Variants in BPNT1 observed in about 807,000 individuals in gnomAD.
BPNT1 encodes 3'(2'),5'-bisphosphate nucleotidase 1.
A neutral mutation model predicts 36.9 loss-of-function variants in BPNT1; 28 were observed. The ratio of observed to expected loss-of-function variants is 0.76; its 90% CI spans 0.56 to 1.04. BPNT1 has a LOEUF of 1.04. BPNT1 is among the 50% of genes least tolerant of loss of function. The pLI is 0.00. For synonymous variants in BPNT1, 119 were observed against 130.9 expected, an observed-to-expected ratio of 0.91 and a Z score of 0.62; for missense variants, 313 against 372.9, an observed-to-expected ratio of 0.84 and a Z score of 1.32.
At chr1:220,083,034 C>T (rs1057501234) in intron 1 of BPNT1, among the ~76,000 whole-genome samples, 4 of 151,648 alleles carry the variant, frequency 2.6e-5, no homozygotes, top group Non-Finnish European at 5.9e-5. Context: ...GTCAGGAGTT[C>T]GAGACCAGCC....
At chr1:220,085,978 T>C (rs1454009749) in intron 1 of BPNT1, among the ~76,000 whole-genome samples, 1 of 152,236 alleles carries the variant, frequency 6.6e-6, no homozygotes, top group African/African-American at 2.4e-5. Context: ...TAAAATTATT[T>C]ATATTTTGGA....
intron 8 of BPNT1, among the ~76,000 whole-genome samples, chr1:220,059,207 T>C (rs1662781288): frequency 6.6e-6 from 1 of 151,600 alleles, no homozygotes; most frequent in Non-Finnish European, 1.5e-5. Flanking sequence ...TTATTTTTTC[T>C]CTGATTAATA....
At chr1:220,059,216 T>A (rs2247212) in intron 8 of BPNT1, among the ~76,000 whole-genome samples, 121,838 of 145,572 alleles carry the variant, frequency 0.84, 51,290 homozygotes, top group Non-Finnish European at 0.88. Flanking sequence ...CTCTGATTAA[T>A]ATTAATTTTA....
Position 220,058,969 on chromosome 1 carries a change from T to C in BPNT1, c.802A>G (p.Asn268Asp), listed in dbSNP as rs1380860648. The C allele has an allele frequency of 6.2e-7, 1 of 1,613,734 alleles. No individual in the cohort carries two copies. Among genetic ancestry groups the C allele is most frequent in the East Asian group, 2.2e-5 (1 of 44,874 alleles). ...ACATCCTTGTGGTACTGAAGAACAT[T>C]CCCATGGATATCGGTTAACTTGCCT... ...VGGKLTDIHG[N>D]VLQYHKDVKH... The change falls in exon 9 of 9, where the codon AAT becomes GAT. Residue 268 changes from asparagine (N) to aspartate (D), a missense_variant. Coordinates refer to ENST00000322067, the MANE Select transcript of BPNT1 (RefSeq NM_006085.6).
rs774470035 is a variant in BPNT1 at position 220,062,867 on chromosome 1, CA to C, written c.561del (p.Lys189AsnfsTer22). 8.7e-6 allele frequency: 14 copies of C among 1,613,996 alleles called. No individual in the cohort carries two copies. In the South Asian group the frequency reaches 1.4e-4, roughly 16 times the overall value. ...CGAGTAGTTGTGATAATGTGTTTCCCAGCAGGGACTTCTTTCAGCTGAAACC... is the reference window on the plus strand; with the variant it reads ...CGAGTAGTTGTGATAATGTGTTTCCCGCAGGGACTTCTTTCAGCTGAAACC... ...AFGFQLKEVPAGKHIITTTRS... is the reference protein window; with the variant it reads ...AFGFQLKEVPXGKHIITTTRS... On this transcript the variant is annotated frameshift_variant, in exon 7 of 9. Coordinates refer to ENST00000322067, the MANE Select transcript of BPNT1 (RefSeq NM_006085.6). LOFTEE classifies it high-confidence loss of function.
intron 3 of BPNT1, among the ~76,000 whole-genome samples, chr1:220,073,419 G>A (rs1165106553): frequency 2.0e-5 from 3 of 151,998 alleles, no homozygotes; most frequent in African/African-American, 7.3e-5. Context: ...CTCCTGAGTA[G>A]CTGGGATTAC....
intron 6 of BPNT1, among the ~76,000 whole-genome samples, chr1:220,063,784 G>T (rs1553257740): frequency 6.6e-6 from 1 of 152,144 alleles, no homozygotes; most frequent in Non-Finnish European, 1.5e-5. Flanking sequence ...TCAGAGTTAA[G>T]ATTTTGCTGA....
At chr1:220,073,918 T>C (rs1229497625) in intron 3 of BPNT1, 49 bp downstream of exon 3, 2 of 1,480,574 alleles carry the variant, frequency 1.4e-6, no homozygotes, top group Non-Finnish European at 1.9e-6. Context: ...CAGTTATAAA[T>C]CCATTTGGTA....
At chr1:220,068,127 T>A (rs1042464641) in intron 5 of BPNT1, among the ~76,000 whole-genome samples, 1 of 152,176 alleles carries the variant, frequency 6.6e-6, no homozygotes, top group African/African-American at 2.4e-5. Context: ...TGAGAGCCAA[T>A]ACAAGAAAAT....
rs1391468684 is a variant in BPNT1, at chr1:220,062,902, C to T, written c.527G>A (p.Gly176Asp). 1.2e-6 allele frequency: 2 copies of T among 1,613,996 alleles called. No homozygotes were observed. The highest frequency in any genetic ancestry group is 1.7e-6 in the Non-Finnish European group (2 of 1,180,022). ...GRTIWGVLGL[G>D]AFGFQLKEVP... Reference sequence around the variant, plus strand: ...TTCTTTCAGCTGAAACCCAAAGGCGCCTAAACCTAAAACTCCCCAGATTGT... The same window carrying T: ...TTCTTTCAGCTGAAACCCAAAGGCGTCTAAACCTAAAACTCCCCAGATTGT... Residue 176 changes from glycine to aspartate, a missense_variant, in exon 7 of 9, where the codon GGC (glycine) becomes GAC (aspartate). Gly to Asp is a moderately conservative substitution (Grantham distance 94, BLOSUM62 -1). Coordinates refer to ENST00000322067, the MANE Select transcript of BPNT1 (RefSeq NM_006085.6).
At chr1:220,069,334 C>T (rs1010688046) in intron 5 of BPNT1, 50 bp downstream of exon 5, 16 of 1,372,962 alleles carry the variant, frequency 1.2e-5, no homozygotes, top group Non-Finnish European at 1.4e-5. Context: ...CAACTAACAT[C>T]ATATCCTTGT....
intron 1 of BPNT1, among the ~76,000 whole-genome samples, chr1:220,083,619 G>A (rs529108558): frequency 2.6e-5 from 4 of 152,146 alleles, no homozygotes; most frequent in Non-Finnish European, 5.9e-5. Context: ...CCAATAAAAC[G>A]GGTTTCTAAG....
Position 220,086,085 on chromosome 1 carries a change from C to A in BPNT1, c.-9+3601G>T, listed in dbSNP as rs74985974. Reference sequence around the variant, plus strand: ...AAAAAGAACTATGAACAGAGGTACTCCCCTTATCAATTATCAAAATATGAT... The same window carrying A: ...AAAAAGAACTATGAACAGAGGTACTACCCTTATCAATTATCAAAATATGAT... On this transcript the variant is annotated intron_variant, in intron 1 of 8. Coordinates refer to ENST00000322067, the MANE Select transcript of BPNT1 (RefSeq NM_006085.6). Among the ~76,000 whole-genome samples the A allele has an allele frequency of 8.6e-3, 1,316 of 152,188 alleles. 20 individuals are homozygous for A. Among genetic ancestry groups the A allele is most frequent in the African/African-American group, 0.031 (1,271 of 41,508 alleles).
rs1663174546 is a variant in BPNT1 at position 220,062,813 on chromosome 1, A to G, written c.616T>C (p.Cys206Arg). Residue 206 changes from cysteine to arginine, a missense_variant, in exon 7 of 9, where the codon TGT becomes CGT. By Grantham distance (180) the Cys-to-Arg change is radical (BLOSUM62 -3). Transcript: ENST00000322067. ...RSHSNKLVTD[C>R]VAAMNPDAVL... ...GCATCGGGGTTCATAGCAGCAACACAGTCAGTAACCAACTTGTTGCTATGG... is the reference window on the plus strand; with the variant it reads ...GCATCGGGGTTCATAGCAGCAACACGGTCAGTAACCAACTTGTTGCTATGG... 1 of 1,614,068 alleles carries G rather than the reference A, an allele frequency of 6.2e-7. No individual in the cohort carries two copies. The highest frequency in any genetic ancestry group is 1.7e-5 in the Admixed American group (1 of 60,004).
chr1:220,062,282 A>C, intron 7 of BPNT1, among the ~76,000 whole-genome samples: 1 of 132,676 alleles, frequency 7.5e-6, no homozygotes, highest in South Asian at 3.0e-4. Context: ...TCCCAATGCT[A>C]TCCCTCCCCC....
At chr1:220,065,053 C>T (rs1663415880) in intron 6 of BPNT1, among the ~76,000 whole-genome samples, 1 of 152,194 alleles carries the variant, frequency 6.6e-6, no homozygotes, top group African/African-American at 2.4e-5. Context: ...TGTGATCCAC[C>T]TGCCTTGGCC....
In BPNT1 at chr1:220,079,949, T is replaced by A. The variant is rs1664952998; in HGVS notation, c.-8-95A>T. ...AACTCAACACATATTAATTGAGTGCTAACTTGGGATTGCTCCCATTAACTG... is the reference window on the plus strand; with the variant it reads ...AACTCAACACATATTAATTGAGTGCAAACTTGGGATTGCTCCCATTAACTG... On this transcript the variant is annotated intron_variant, in intron 1 of 8. Transcript: ENST00000322067. 2.3e-6 allele frequency: 3 copies of A among 1,280,000 alleles called. No homozygotes were observed. The South Asian group carries it at 4.7e-5, about 20-fold the overall frequency. The allele number at this position is 1,280,000 out of a possible 1,614,324, so 79.3% of individuals were successfully genotyped here.
chr1:220,082,223 C>T (rs1034799106), intron 1 of BPNT1, among the ~76,000 whole-genome samples: 1 of 150,032 alleles, frequency 6.7e-6, no homozygotes, highest in South Asian at 2.1e-4. Flanking sequence ...CTCTGTCGCC[C>T]AGGCTGGAGT....
chr1:220,074,738 C>T (rs1463228925), intron 2 of BPNT1, among the ~76,000 whole-genome samples: 1 of 152,090 alleles, frequency 6.6e-6, no homozygotes, highest in African/African-American at 2.4e-5. Flanking sequence ...TTGTGATCCA[C>T]CCGCCTTGAC....
Sources: gnomAD v4.1 joint callset for allele counts (sites outside exome capture counted in the v4.1 genomes callset) on GRCh38, gnomAD v4.1.1 for gene constraint, MANE v1.5 for transcripts, NCBI Gene and HGNC (gene_info 2026-07-23, HGNC 2026-07-21) for gene names.